The following GRM8 variants were observed in gnomAD, a reference collection of about 807,000 sequenced individuals.
GRM8 encodes the protein metabotropic glutamate receptor 8.
GRM8 carries 47 observed loss-of-function variants against 87.2 expected under a neutral mutation model. The ratio of observed to expected loss-of-function variants is 0.54; its 90% CI spans 0.43 to 0.69. The LOEUF (loss-of-function observed/expected upper bound fraction) is 0.69, where lower values mean the gene tolerates loss of function less well. Ranked by LOEUF, GRM8 falls within the 30% of genes least tolerant of loss-of-function variation. The pLI is 0.00. For missense variants in GRM8, 1,019 were observed against 1,139.2 expected, an observed-to-expected ratio of 0.89 and a Z score of 1.52; for synonymous variants, 396 against 404.5, an observed-to-expected ratio of 0.98 and a Z score of 0.25.
intron 6 of GRM8, among the ~76,000 whole-genome samples, chr7:126,811,833 T>C (rs950878921): frequency 6.6e-6 from 1 of 152,074 alleles, no homozygotes; most frequent in Non-Finnish European, 1.5e-5. Flanking sequence ...TCCTTTTTTT[T>C]CCAGTTTGAA....
intron 8 of GRM8, among the ~76,000 whole-genome samples, chr7:126,545,322 G>C (rs965064482): frequency 4.6e-5 from 7 of 152,174 alleles, no homozygotes; most frequent in Non-Finnish European, 1.0e-4. Flanking sequence ...GGTATTTGTT[G>C]CAAGACTATT....
intron 7 of GRM8, among the ~76,000 whole-genome samples, chr7:126,632,865 C>A (rs896645766): frequency 6.6e-6 from 1 of 152,056 alleles, no homozygotes; most frequent in African/African-American, 2.4e-5. Flanking sequence ...GAACAACACA[C>A]ACTGGGGCCT....
At chr7:127,142,892 T>C (rs985126826) in intron 2 of GRM8, among the ~76,000 whole-genome samples, 1 of 152,132 alleles carries the variant, frequency 6.6e-6, no homozygotes, top group Non-Finnish European at 1.5e-5. Context: ...GAAAAATATA[T>C]TTATTAGTGT....
intron 3 of GRM8, among the ~76,000 whole-genome samples, chr7:126,983,937 G>C (rs1811790350): frequency 6.6e-6 from 1 of 152,198 alleles, no homozygotes; most frequent in Non-Finnish European, 1.5e-5. Context: ...CAGAAACAAG[G>C]ACTGTAATTG....
At chr7:126,944,840 A>T (rs74867957) in intron 3 of GRM8, among the ~76,000 whole-genome samples, 1,892 of 152,360 alleles carry the variant, frequency 0.012, 33 homozygotes, top group African/African-American at 0.044. Context: ...ATACTTCACT[A>T]GCAAAATGAT....
intron 2 of GRM8, among the ~76,000 whole-genome samples, chr7:127,223,806 C>T (rs918841192): frequency 6.9e-6 from 1 of 145,952 alleles, no homozygotes; most frequent in African/African-American, 2.5e-5. Context: ...GTTCTTGAAA[C>T]AAAAAACTAC....
At chr7:126,844,636 T>C (rs1037820044) in intron 6 of GRM8, among the ~76,000 whole-genome samples, 1 of 152,192 alleles carries the variant, frequency 6.6e-6, no homozygotes, top group Non-Finnish European at 1.5e-5. Context: ...GTGTATTCTC[T>C]AACAGTTTTG....
At chr7:126,599,611 T>C (rs924252146) in intron 8 of GRM8, among the ~76,000 whole-genome samples, 2 of 152,106 alleles carry the variant, frequency 1.3e-5, no homozygotes, top group Admixed American at 6.6e-5. Context: ...CTAACTACTA[T>C]GGTCTTTTTG....
At chr7:127,199,126 C>A in intron 2 of GRM8, among the ~76,000 whole-genome samples, 1 of 149,358 alleles carries the variant, frequency 6.7e-6, no homozygotes, top group East Asian at 2.0e-4. Flanking sequence ...CAGGCGTGAG[C>A]CACCGCACCC....
intron 6 of GRM8, among the ~76,000 whole-genome samples, chr7:126,888,406 C>T (rs1265679595): frequency 3.9e-5 from 6 of 152,144 alleles, no homozygotes; most frequent in East Asian, 1.9e-4. Context: ...TCAGAGAAAC[C>T]GAAATGTTTC....
intron 3 of GRM8, among the ~76,000 whole-genome samples, chr7:127,009,746 T>A (rs1179609362): frequency 6.6e-6 from 1 of 152,128 alleles, no homozygotes; most frequent in African/African-American, 2.4e-5. Context: ...TTTGTTGAAG[T>A]TTGTATTTGA....
intron 3 of GRM8, among the ~76,000 whole-genome samples, chr7:126,913,163 T>A (rs1586432984): frequency 6.6e-6 from 1 of 152,234 alleles, no homozygotes; most frequent in African/African-American, 2.4e-5. Context: ...ATTAACTTAT[T>A]GGGATGAAAT....
At chr7:127,219,405 G>A (rs552923759) in intron 2 of GRM8, 9 of 152,086 alleles carry the variant, frequency 5.9e-5, no homozygotes, top group South Asian at 4.2e-4. Context: ...TTACTTTTTC[G>A]TTGTAAATAA....
At chr7:126,540,196 G>A (rs1034625043) in intron 8 of GRM8, among the ~76,000 whole-genome samples, 2 of 152,054 alleles carry the variant, frequency 1.3e-5, no homozygotes, top group African/African-American at 2.4e-5. Context: ...AATAGTGCAT[G>A]AAAATATACC....
At chr7:126,625,666 A>C (rs1800602531) in intron 7 of GRM8, among the ~76,000 whole-genome samples, 1 of 152,190 alleles carries the variant, frequency 6.6e-6, no homozygotes, top group Non-Finnish European at 1.5e-5. Flanking sequence ...GTACTCAAAT[A>C]AGCTGATTCA....
intron 6 of GRM8, among the ~76,000 whole-genome samples, chr7:126,895,765 G>A (rs1003545673): frequency 6.6e-6 from 1 of 151,998 alleles, no homozygotes; most frequent in East Asian, 1.9e-4. Context: ...AAAGGTTTAC[G>A]CTGTTCAAGA....
chr7:126,716,128 AG>A (rs1424650890), intron 7 of GRM8, among the ~76,000 whole-genome samples: 2 of 152,266 alleles, frequency 1.3e-5, no homozygotes, highest in African/African-American at 4.8e-5. Context: ...AATTGAATTA[AG>A]AAGCATTTAA....
chr7:126,835,770 G>C (rs1347915123), intron 6 of GRM8, among the ~76,000 whole-genome samples: 1 of 152,182 alleles, frequency 6.6e-6, no homozygotes, highest in Non-Finnish European at 1.5e-5. Flanking sequence ...TCTATGTCCT[G>C]TCTCTCAAAA....
rs926157020 is a variant in GRM8, at chr7:127,207,755, A to C, written c.510+34940T>G. Among the ~76,000 whole-genome samples, 61 of 152,120 alleles carry C rather than the reference A, an allele frequency of 4.0e-4. 1 individual carries two copies. Among genetic ancestry groups the C allele is most frequent in the Non-Finnish European group, 8.8e-5 (6 of 68,032 alleles). ...ACATCCCCTCCTTTTTGTGGTTTAGACGCAACAACTGACCAGCATCAATGT... is the reference window on the plus strand; with the variant it reads ...ACATCCCCTCCTTTTTGTGGTTTAGCCGCAACAACTGACCAGCATCAATGT... On this transcript the variant is annotated intron_variant, in intron 2 of 10. Coordinates refer to ENST00000339582, the MANE Select transcript of GRM8 (RefSeq NM_000845.3).
Sources: allele counts gnomAD v4.1 joint callset (sites outside exome capture counted in the v4.1 genomes callset), GRCh38; gene constraint gnomAD v4.1.1; transcripts MANE v1.5; gene names NCBI Gene and HGNC (gene_info 2026-07-23, HGNC 2026-07-21).